Variants in MTUS2 observed in about 807,000 individuals in gnomAD.
MTUS2 encodes the protein microtubule associated scaffold protein 2.
In MTUS2, 40 loss-of-function variants were observed where a neutral mutation model predicts 114.1. The observed-to-expected ratio is 0.35, with a 90% confidence interval of 0.27 to 0.46. MTUS2 has a LOEUF of 0.46. Ranked by LOEUF, MTUS2 falls within the 20% of genes least tolerant of loss-of-function variation. MTUS2 has a pLI of 1.00. For missense variants in MTUS2, 1,679 were observed against 1,705.4 expected, an observed-to-expected ratio of 0.98 and a Z score of 0.27; for synonymous variants, 688 against 672.0, an observed-to-expected ratio of 1.02 and a Z score of -0.37.
rs183342554 is a variant in MTUS2, at chr13:29,260,216, A to G, written c.2645-21488A>G. 4.5e-4 allele frequency among the ~76,000 whole-genome samples: 68 copies of G among 152,368 alleles called. 1 individual carries two copies. In the East Asian group the frequency reaches 9.8e-3, roughly 22 times the overall value. ...CATCTGTTTTCCACTGGGCTTCCCAATAGAACACAACACAATTTCAGTTGA... is the reference window on the plus strand; with the variant it reads ...CATCTGTTTTCCACTGGGCTTCCCAGTAGAACACAACACAATTTCAGTTGA... On this transcript the variant is annotated intron_variant, in intron 5 of 15. Coordinates refer to ENST00000612955, the MANE Select transcript of MTUS2 (RefSeq NM_001033602.4).
intron 4 of MTUS2, among the ~76,000 whole-genome samples, chr13:29,036,816 A>T (rs1887098018): frequency 7.4e-6 from 1 of 134,800 alleles, no homozygotes; most frequent in African/African-American, 2.8e-5. Context: ...TTTATCAGAG[A>T]TTAGGATTGC....
At chr13:29,458,067 G>A (rs1344372734) in intron 9 of MTUS2, among the ~76,000 whole-genome samples, 1 of 152,102 alleles carries the variant, frequency 6.6e-6, no homozygotes, top group Admixed American at 6.5e-5. Context: ...CTTTTTATGT[G>A]ACAACTGGCT....
At chr13:29,457,277 A>G (rs1216254877) in intron 9 of MTUS2, among the ~76,000 whole-genome samples, 3 of 152,114 alleles carry the variant, frequency 2.0e-5, no homozygotes, top group Admixed American at 2.0e-4. Flanking sequence ...TTTACATTGC[A>G]CCAGAAAGTT....
At chr13:28,869,342 A>G (rs1333863350) in intron 2 of MTUS2, among the ~76,000 whole-genome samples, 1 of 152,378 alleles carries the variant, frequency 6.6e-6, no homozygotes, top group Non-Finnish European at 1.5e-5. Flanking sequence ...TTTTCAAAGC[A>G]GTTAAATGCC....
rs576270234 is a variant in MTUS2, at chr13:28,997,854, T to C, written c.-242-26603T>C. ...CTTGACTCTTTATCCAATTTGCCAG[T>C]CTGTGCCTTTTAATTGGAGCATTTT... On this transcript the variant is annotated intron_variant, in intron 2 of 15. Transcript: ENST00000612955. 1.8e-3 allele frequency among the ~76,000 whole-genome samples: 268 copies of C among 152,340 alleles called. 1 individual carries two copies. Among genetic ancestry groups the C allele is most frequent in the African/African-American group, 6.2e-3 (257 of 41,570 alleles).
intron 5 of MTUS2, among the ~76,000 whole-genome samples, chr13:29,179,020 C>G (rs768274296): frequency 6.6e-6 from 1 of 152,206 alleles, no homozygotes; most frequent in African/African-American, 2.4e-5. Flanking sequence ...TTCCACTGTT[C>G]AGTTACAGAA....
intron 5 of MTUS2, among the ~76,000 whole-genome samples, chr13:29,105,587 C>G (rs1196400068): frequency 6.6e-6 from 1 of 150,542 alleles, no homozygotes; most frequent in African/African-American, 2.5e-5. Flanking sequence ...AACCTAAGAA[C>G]AGAAATCATG....
intron 2 of MTUS2, among the ~76,000 whole-genome samples, chr13:28,845,202 C>T (rs976078674): frequency 5.3e-5 from 8 of 152,120 alleles, no homozygotes; most frequent in Admixed American, 1.3e-4. Flanking sequence ...CTTCTGCCTC[C>T]GCCTCCCAAA....
chr13:29,319,493 A>C (rs1900162796), intron 6 of MTUS2, among the ~76,000 whole-genome samples: 1 of 152,156 alleles, frequency 6.6e-6, no homozygotes, highest in South Asian at 2.1e-4. Flanking sequence ...CGAGTAGAGA[A>C]TTTTTGTCTA....
intron 5 of MTUS2, among the ~76,000 whole-genome samples, chr13:29,132,587 A>G (rs1454487351): frequency 6.6e-6 from 1 of 152,236 alleles, no homozygotes; most frequent in African/African-American, 2.4e-5. Flanking sequence ...TAGATACCTC[A>G]TATAATTGGA....
At chr13:29,307,069 T>C (rs1899503478) in intron 6 of MTUS2, 2 of 487,234 alleles carry the variant, frequency 4.1e-6, no homozygotes, top group African/African-American at 2.0e-5. Context: ...CAGTGTGGAG[T>C]CCACCAGCAT....
At chr13:29,363,557 A>T (rs1434002915) in intron 8 of MTUS2, among the ~76,000 whole-genome samples, 1 of 152,222 alleles carries the variant, frequency 6.6e-6, no homozygotes, top group African/African-American at 2.4e-5. Flanking sequence ...TCACAAAAAA[A>T]ATTTAATATA....
chr13:29,297,413 A>G (rs1026656055), intron 6 of MTUS2, among the ~76,000 whole-genome samples: 5 of 152,190 alleles, frequency 3.3e-5, no homozygotes, highest in Non-Finnish European at 7.4e-5. Flanking sequence ...TCAACTTCTG[A>G]TGCTCAAGGA....
intron 2 of MTUS2, among the ~76,000 whole-genome samples, chr13:28,939,740 CA>C (rs764642663): frequency 5.0e-4 from 73 of 146,300 alleles, no homozygotes; most frequent in East Asian, 4.0e-3. Context: ...GAAAAACAAA[CA>C]AAAAAAAAAC....
intron 2 of MTUS2, among the ~76,000 whole-genome samples, chr13:28,925,251 A>G (rs946619727): frequency 6.6e-6 from 1 of 152,086 alleles, no homozygotes; most frequent in Admixed American, 6.5e-5. Context: ...AAGTTTACTT[A>G]AAGAACTTGA....
At chr13:29,166,397 C>G (rs913722311) in intron 5 of MTUS2, among the ~76,000 whole-genome samples, 1 of 152,170 alleles carries the variant, frequency 6.6e-6, no homozygotes, top group Admixed American at 6.5e-5. Flanking sequence ...CAGGCCAGCT[C>G]TTAGTCACTG....
chr13:29,498,394 G>C lies in MTUS2; in HGVS notation c.3679-24G>C, dbSNP rs558853635. ...GTTTTGCCGGGAATCCTGGTCAACA[G>C]CTCATGGCTCTCTGCCTCTGTAGAT... On this transcript the variant is annotated intron_variant, in intron 13 of 15. Transcript: ENST00000612955. The C allele has an allele frequency of 5.6e-6, 9 of 1,613,448 alleles. No homozygotes were observed. The Admixed American group carries it at 1.3e-4, about 24-fold the overall frequency.
At chr13:29,154,112 G>A (rs1014655544) in intron 5 of MTUS2, among the ~76,000 whole-genome samples, 10 of 152,188 alleles carry the variant, frequency 6.6e-5, no homozygotes, top group Non-Finnish European at 1.2e-4. Context: ...TTGCTGTCTC[G>A]TAGCTCACCG....
intron 8 of MTUS2, among the ~76,000 whole-genome samples, chr13:29,400,007 G>A (rs927510947): frequency 1.3e-5 from 2 of 152,204 alleles, no homozygotes; most frequent in African/African-American, 4.8e-5. Context: ...ATCTACAAAA[G>A]GAGAAGCAGA....
Sources: gnomAD v4.1 joint callset for allele counts (sites outside exome capture counted in the v4.1 genomes callset) on GRCh38, gnomAD v4.1.1 for gene constraint, MANE v1.5 for transcripts, NCBI Gene and HGNC (gene_info 2026-07-23, HGNC 2026-07-21) for gene names.